The following POLQ variants were observed in gnomAD, a reference collection of about 807,000 sequenced individuals.
The protein encoded by POLQ is epididymis secretory sperm binding protein.
POLQ carries 233 observed loss-of-function variants against 259.2 expected under a neutral mutation model. That is an observed-to-expected ratio of 0.90 (90% CI 0.81 to 1.00). The LOEUF is 1.00. Among genes scored for constraint, POLQ ranks in the 50% least tolerant of loss-of-function variants. POLQ has a pLI of 0.00. For synonymous variants in POLQ, 1,025 were observed against 1,048.8 expected (o/e 0.98, Z 0.44); for missense variants, 2,871 against 3,051.6 (o/e 0.94, Z 1.39).
At chr3:121,440,249 G>T (rs1300301464) in intron 26 of POLQ, 133 bp from the exon 27 acceptor site, 6 of 608,150 alleles carry the variant, frequency 9.9e-6, no homozygotes, top group African/African-American at 9.4e-5. Context: ...GTCAAATCAG[G>T]CATGCGAACT....
intron 16 of POLQ, among the ~76,000 whole-genome samples, chr3:121,486,370 G>A (rs1483270193): frequency 6.6e-6 from 1 of 151,968 alleles, no homozygotes; most frequent in African/African-American, 2.4e-5. Context: ...CTAACACAGT[G>A]AAACCCCATC....
intron 12 of POLQ, among the ~76,000 whole-genome samples, chr3:121,503,364 C>G (rs2048187157): frequency 6.6e-6 from 1 of 152,178 alleles, no homozygotes; most frequent in South Asian, 2.1e-4. Flanking sequence ...CAGAATGTAT[C>G]ACTGTCCTTA....
chr3:121,460,320 G>C, intron 24 of POLQ, 86 bp from the exon 25 acceptor site: 1 of 1,006,168 alleles, frequency 9.9e-7, no homozygotes, highest in East Asian at 2.5e-5. Context: ...TGAGCAGGAT[G>C]ACAAAAATTT....
At chr3:121,446,983 C>G (rs1258472329) in intron 26 of POLQ, among the ~76,000 whole-genome samples, 1 of 152,014 alleles carries the variant, frequency 6.6e-6, no homozygotes, top group Non-Finnish European at 1.5e-5. Flanking sequence ...AGGACAACAT[C>G]ATTTTGTTGT....
intron 27 of POLQ, among the ~76,000 whole-genome samples, chr3:121,437,111 G>A (rs2047550390): frequency 6.6e-6 from 1 of 152,126 alleles, no homozygotes; most frequent in Admixed American, 6.5e-5. Context: ...TTAAATGCCT[G>A]TAATCTCAGC....
Position 121,483,438 on chromosome 3 carries a change from A to T in POLQ, c.5918T>A (p.Ile1973Asn), listed in dbSNP as rs1266522570. 6.3e-7 allele frequency: 1 copy of T among 1,591,716 alleles called. No individual in the cohort carries two copies. Among genetic ancestry groups the T allele is most frequent in the African/African-American group, 1.4e-5 (1 of 73,804 alleles). The change falls in exon 18 of 30, where the codon ATT becomes AAT. Residue 1973 changes from isoleucine (I) to asparagine (N), a missense_variant. Transcript: ENST00000264233. ...VIYDFIQSYKILLLSCGISLE... is the reference protein window; with the variant it reads ...VIYDFIQSYKNLLLSCGISLE... ...GGAGATGCCACAAGAAAGAAGAAGA[A>T]TTTTATAGCTCTGGATGAAGTCATA...
chr3:121,488,109 C>T lies in POLQ; in HGVS notation c.4822G>A (p.Gly1608Arg). The T allele has an allele frequency of 6.2e-7, 1 of 1,613,656 alleles. No homozygotes were observed. The highest frequency in any genetic ancestry group is 8.5e-7 in the Non-Finnish European group (1 of 1,179,802). ...TCAGCCCTTTCATCTTGATCTCCTCCATCTTGATCACCTTGGTGGTGCTCA... is the reference window on the plus strand; with the variant it reads ...TCAGCCCTTTCATCTTGATCTCCTCTATCTTGATCACCTTGGTGGTGCTCA... Reference protein sequence around the residue: ...LDEHHQGDQDGGDQDERAEKS... With the variant: ...LDEHHQGDQDRGDQDERAEKS... Residue 1608 changes from glycine (G) to arginine (R), a missense_variant, in exon 16 of 30, where the codon GGA becomes AGA. Physicochemically the swap from Gly to Arg is moderately radical, Grantham distance 125. Coordinates refer to ENST00000264233, the MANE Select transcript of POLQ (RefSeq NM_199420.4).
rs189343577 is a variant in POLQ at position 121,500,505 on chromosome 3, T to G, written c.1960-1835A>C. Among the ~76,000 whole-genome samples, 6 of 151,844 alleles carry G rather than the reference T, an allele frequency of 4.0e-5. No individual in the cohort carries two copies. In the South Asian group the frequency reaches 6.2e-4, roughly 16 times the overall value. ...ATAAGAAAGAATCAGCAAACATGAA[T>G]AGATTAATAAAGACTATGCAATCTG... On this transcript the variant is annotated intron_variant, in intron 12 of 29. Transcript: ENST00000264233.
intron 26 of POLQ, among the ~76,000 whole-genome samples, chr3:121,445,310 T>G (rs137910760): frequency 1.3e-5 from 2 of 152,328 alleles, no homozygotes; most frequent in African/African-American, 4.8e-5. Flanking sequence ...CAGGTTTTTT[T>G]GTTCTTAGAC....
intron 19 of POLQ, among the ~76,000 whole-genome samples, chr3:121,477,938 A>C (rs2047940228): frequency 6.6e-6 from 1 of 152,214 alleles, no homozygotes; most frequent in Non-Finnish European, 1.5e-5. Context: ...TGGCTTTAGA[A>C]GCCTGGAACT....
intron 7 of POLQ, among the ~76,000 whole-genome samples, chr3:121,527,519 C>T (rs2048381748): frequency 6.6e-6 from 1 of 152,188 alleles, no homozygotes. Context: ...ATATAGTGAT[C>T]CTGCAGCCAC....
chr3:121,503,158 G>C (rs2048185381), intron 12 of POLQ, among the ~76,000 whole-genome samples: 1 of 152,128 alleles, frequency 6.6e-6, no homozygotes, highest in African/African-American at 2.4e-5. Flanking sequence ...GAAATGTCTA[G>C]ATACACAAAT....
At chr3:121,442,410 T>C (rs566851576) in intron 26 of POLQ, among the ~76,000 whole-genome samples, 2 of 152,320 alleles carry the variant, frequency 1.3e-5, no homozygotes, top group East Asian at 3.9e-4. Context: ...AACTATTTCT[T>C]TGTACCTATT....
At chr3:121,534,293 TG>T (rs1197385969) in intron 5 of POLQ, among the ~76,000 whole-genome samples, 1 of 152,146 alleles carries the variant, frequency 6.6e-6, no homozygotes, top group African/African-American at 2.4e-5. Flanking sequence ...TTTTTTGCTC[TG>T]TTTTTATTAG....
In POLQ at chr3:121,489,264, C is replaced by A. The variant is rs370576936; in HGVS notation, c.3667G>T (p.Val1223Phe). Residue 1223 changes from valine (V) to phenylalanine (F), a missense_variant, in exon 16 of 30, where the codon GTC (valine) becomes TTC (phenylalanine). Val to Phe is a conservative substitution (Grantham distance 50). Coordinates refer to ENST00000264233, the MANE Select transcript of POLQ (RefSeq NM_199420.4). ...IIERQMPCEA[V>F]SSYINRDSNV... Reference sequence around the variant, plus strand: ...GAGTCTCTATTTATGTAACTACTGACTGCTTCACAGGGCATTTGTCTCTCT... The same window carrying A: ...GAGTCTCTATTTATGTAACTACTGAATGCTTCACAGGGCATTTGTCTCTCT... 1 of 1,613,598 alleles carries A rather than the reference C, an allele frequency of 6.2e-7. No individual in the cohort carries two copies. Among genetic ancestry groups the A allele is most frequent in the Non-Finnish European group, 8.5e-7 (1 of 1,179,742 alleles).
intron 2 of POLQ, among the ~76,000 whole-genome samples, chr3:121,541,842 G>C (rs1356540648): frequency 6.6e-6 from 1 of 152,126 alleles, no homozygotes; most frequent in East Asian, 1.9e-4. Context: ...TTGAAGAAAA[G>C]GGCTGGGCAT....
rs143906962 is a variant in POLQ, at chr3:121,466,344, C to T, written c.6967+1175G>A. Among the ~76,000 whole-genome samples, 656 of 127,166 alleles carry T rather than the reference C, an allele frequency of 5.2e-3. 9 individuals carry two copies. Among genetic ancestry groups the T allele is most frequent in the African/African-American group, 0.018 (609 of 33,480 alleles). 83.4% of individuals were successfully genotyped at this position (127,166 alleles called of 152,430 possible). A position where few individuals can be genotyped will look rare whatever the true frequency, so the allele number is the denominator to read the frequency against. ...AAACTCTGTTGCACTTCAGCCTGGG[C>T]GAGAGTGAGACTCCGTCTCAAAAAA... On this transcript the variant is annotated intron_variant, in intron 24 of 29. Coordinates refer to ENST00000264233, the MANE Select transcript of POLQ (RefSeq NM_199420.4).
At chr3:121,495,848 CAAAA>C (rs34476932) in intron 14 of POLQ, among the ~76,000 whole-genome samples, 1 of 28,120 alleles carries the variant, frequency 3.6e-5, no homozygotes, top group Non-Finnish European at 7.5e-5. Flanking sequence ...GACTCTGTCT[CAAAA>C]AAAAAAAAAA....
intron 7 of POLQ, among the ~76,000 whole-genome samples, chr3:121,526,875 ATG>A (rs112164513): frequency 6.1e-4 from 91 of 148,906 alleles, no homozygotes; most frequent in Admixed American, 2.4e-3. Context: ...GTGTCTCTGT[ATG>A]TGTGTGTGTG....
Sources: allele counts gnomAD v4.1 joint callset (sites outside exome capture counted in the v4.1 genomes callset), GRCh38; gene constraint gnomAD v4.1.1; transcripts MANE v1.5; gene names NCBI Gene and HGNC (gene_info 2026-07-23, HGNC 2026-07-21).